The following ANKHD1 variants were observed in gnomAD, a reference collection of about 807,000 sequenced individuals.
The protein encoded by ANKHD1 is ankyrin repeat and KH domain containing 1, also known as ankyrin repeat and KH domain-containing protein 1.
In ANKHD1, 31 loss-of-function variants were observed where a neutral mutation model predicts 230.5. That is an observed-to-expected ratio of 0.13 (90% confidence interval 0.10 to 0.18). The LOEUF is 0.18. Ranked by LOEUF, ANKHD1 falls within the 10% of genes least tolerant of loss-of-function variation. ANKHD1 has a pLI of 1.00. For synonymous variants in ANKHD1, 1,074 were observed against 1,117.6 expected (o/e 0.96, Z 0.78); for missense variants, 2,256 against 3,071.3 (o/e 0.73, Z 6.27).
chr5:140,441,153 AATG>A lies in ANKHD1; in HGVS notation c.913+15_913+17del. 6.5e-7 allele frequency: 1 copy of A among 1,547,478 alleles called. No individual in the cohort carries two copies. The highest frequency in any genetic ancestry group is 8.7e-7 in the Non-Finnish European group (1 of 1,150,636). Reference sequence around the variant, plus strand: ...CCCAGTCTGCAACAGGTATGTAGAAAATGATGTATTAATTGGGAGAAAAAATTG... The same window carrying A: ...CCCAGTCTGCAACAGGTATGTAGAAAATGTATTAATTGGGAGAAAAAATTG... On this transcript the variant is annotated intron_variant, in intron 5 of 33. Transcript: ENST00000360839.
chr5:140,476,716 A>G (rs2127005070), intron 10 of ANKHD1, among the ~76,000 whole-genome samples: 1 of 152,312 alleles, frequency 6.6e-6, no homozygotes, highest in Admixed American at 6.5e-5. Flanking sequence ...AGTAAGAAGA[A>G]AAGTGAGTCC....
intron 1 of ANKHD1, among the ~76,000 whole-genome samples, chr5:140,431,942 T>G (rs1773078333): frequency 6.6e-6 from 1 of 152,218 alleles, no homozygotes. Context: ...TCACTGCTAC[T>G]GGTTCTTTCT....
At chr5:140,533,900 A>G (rs2127097306) in intron 29 of ANKHD1, among the ~76,000 whole-genome samples, 1 of 152,140 alleles carries the variant, frequency 6.6e-6, no homozygotes, top group African/African-American at 2.4e-5. Context: ...TATTCTCACT[A>G]CCTCTAGGTT....
rs184730933 is a variant in ANKHD1 at position 140,527,347 on chromosome 5, T to C, written c.5087+273T>C. 1.1e-4 allele frequency: 35 copies of C among 317,528 alleles called. No homozygotes were observed. The highest frequency in any genetic ancestry group is 1.1e-3 in the Admixed American group (22 of 20,386). 19.7% of individuals were successfully genotyped at this position (317,528 alleles called of 1,614,324 possible). On this transcript the variant is annotated intron_variant, in intron 27 of 33. Transcript: ENST00000360839. The surrounding 1 kb of genome is among the most constrained non-coding windows in gnomAD (Gnocchi z 4.5). Reference sequence around the variant, plus strand: ...TAAAGGCTTTCTCTTGCTTTTTTTCTTTCTCATGTCTCAGTAATTCTAGAA... The same window carrying C: ...TAAAGGCTTTCTCTTGCTTTTTTTCCTTCTCATGTCTCAGTAATTCTAGAA...
At chr5:140,436,376 A>G (rs1773446376) in intron 2 of ANKHD1, 119 bp downstream of exon 2, 3 of 1,211,368 alleles carry the variant, frequency 2.5e-6, no homozygotes, top group Non-Finnish European at 2.1e-6. Flanking sequence ...TCTAAAATTT[A>G]TTTTACTTTT....
chr5:140,448,173 C>A (rs755224348), intron 6 of ANKHD1, among the ~76,000 whole-genome samples: 20 of 152,134 alleles, frequency 1.3e-4, no homozygotes, highest in Non-Finnish European at 2.6e-4. Context: ...GGACTATAGC[C>A]TGGCCAACAG....
At chr5:140,529,861 G>A (rs1484358247) in intron 29 of ANKHD1, 65 bp downstream of exon 29, 23 of 1,549,066 alleles carry the variant, frequency 1.5e-5, no homozygotes, top group Admixed American at 2.0e-5. Context: ...ACCTTAAGTG[G>A]ACAAAAAAAG....
chr5:140,527,000 A>G lies in ANKHD1; in HGVS notation c.5013A>G (p.Pro1671=). The change falls in exon 27 of 34, where the codon CCA becomes CCG. Residue 1671 remains proline, a synonymous_variant. Transcript: ENST00000360839. ...YKTVSLPLSS[P]NIKLNLTSPK... is the part of the protein sequence containing the mutation. ...CAGTGTCATTGCCATTAAGCTCTCC[A>G]AACATAAAGCTGAATCTCACTAGCC... The G allele has an allele frequency of 6.2e-7, 1 of 1,613,880 alleles. No homozygotes were observed. Among genetic ancestry groups the G allele is most frequent in the Admixed American group, 1.7e-5 (1 of 59,984 alleles).
intron 5 of ANKHD1, among the ~76,000 whole-genome samples, chr5:140,442,290 C>T (rs977376671): frequency 6.6e-6 from 1 of 151,806 alleles, no homozygotes; most frequent in Non-Finnish European, 1.5e-5. Flanking sequence ...GTGATCTGCC[C>T]GCCTCAGCCT....
intron 14 of ANKHD1, among the ~76,000 whole-genome samples, chr5:140,490,558 C>T (rs1209849001): frequency 7.9e-5 from 12 of 152,144 alleles, no homozygotes; most frequent in African/African-American, 2.4e-4. Flanking sequence ...GTGACATGCT[C>T]AGTTTTCTAG....
At chr5:140,444,561 T>A (rs1251631652) in intron 5 of ANKHD1, among the ~76,000 whole-genome samples, 1 of 152,174 alleles carries the variant, frequency 6.6e-6, no homozygotes, top group Non-Finnish European at 1.5e-5. Flanking sequence ...TAATGCATTT[T>A]GTTTGATGCC....
Position 140,539,495 on chromosome 5 carries a change from G to A in ANKHD1, c.*77G>A. 1 of 1,498,824 alleles carries A rather than the reference G, an allele frequency of 6.7e-7. No individual in the cohort carries two copies. The highest frequency in any genetic ancestry group is 9.0e-7 in the Non-Finnish European group (1 of 1,105,520). 92.8% of individuals were successfully genotyped at this position (1,498,824 alleles called of 1,614,324 possible). A position where few individuals can be genotyped will look rare whatever the true frequency, so the allele number is the denominator to read the frequency against. The stretch of plus-strand genomic sequence containing the variant: ...AGAACCATGGGGATTTTTTTTTAAT[G>A]TGCCTAAGAAATTTTCTCTGAGGCT... On this transcript the variant is annotated 3_prime_UTR_variant, in exon 34 of 34. Transcript: ENST00000360839.
intron 3 of ANKHD1, 81 bp downstream of exon 3, chr5:140,438,698 C>A: frequency 6.2e-6 from 9 of 1,446,542 alleles, no homozygotes; most frequent in Non-Finnish European, 7.3e-6. Flanking sequence ...TTAAATATAT[C>A]TTTTGGTGGA....
At chr5:140,479,229 C>T (rs933892830) in intron 10 of ANKHD1, among the ~76,000 whole-genome samples, 5 of 151,610 alleles carry the variant, frequency 3.3e-5, no homozygotes, top group African/African-American at 7.3e-5. Flanking sequence ...AATCTCCTGA[C>T]CTCATGATCC....
At position 140,529,090 on chromosome 5, in the gene ANKHD1, A is replaced by C; in HGVS notation, c.6144A>C (p.Ala2048=). The C allele has an allele frequency of 6.2e-7, 1 of 1,614,090 alleles. No homozygotes were observed. Among genetic ancestry groups the C allele is most frequent in the African/African-American group, 1.3e-5 (1 of 75,070 alleles). Residue 2048 remains alanine, a synonymous_variant, in exon 29 of 34, where the codon GCA becomes GCC. Coordinates refer to ENST00000360839, the MANE Select transcript of ANKHD1 (RefSeq NM_017747.3). ...MANLCTPSST[A]NSCSSSASNT... is the part of the protein sequence containing the mutation. ...ACCTATGTACCCCATCTTCAACTGC[A>C]AACAGTTGCAGTAGCTCTGCCAGCA...
intron 1 of ANKHD1, among the ~76,000 whole-genome samples, chr5:140,427,632 TG>T (rs1772610621): frequency 1.5e-5 from 2 of 136,476 alleles, no homozygotes; most frequent in Admixed American, 7.2e-5. Flanking sequence ...ACGGGGCGGC[TG>T]GCCGGGCGGG....
rs1241212841 is a variant in ANKHD1 at position 140,539,655 on chromosome 5, A to G, written c.*237A>G. ...TTAGTGCTTTTGGCTAAACATACAG[A>G]ATACTACTTGTATGCAGAAGAGAAT... On this transcript the variant is annotated 3_prime_UTR_variant, in exon 34 of 34. Coordinates refer to ENST00000360839, the MANE Select transcript of ANKHD1 (RefSeq NM_017747.3). The G allele has an allele frequency of 4.7e-6, 2 of 425,138 alleles. No homozygotes were observed. The highest frequency in any genetic ancestry group is 4.1e-5 in the African/African-American group (2 of 49,346). The allele number at this position is 425,138 out of a possible 1,614,324, so 26.3% of individuals were successfully genotyped here.
rs1336610687 is a variant in ANKHD1 at position 140,482,565 on chromosome 5, C to G, written c.1783-15C>G. 1 of 1,605,722 alleles carries G rather than the reference C, an allele frequency of 6.2e-7. No homozygotes were observed. Among genetic ancestry groups the G allele is most frequent in the Non-Finnish European group, 8.5e-7 (1 of 1,177,282 alleles). ...TGTTGGCATTGATGGATTATTTTTT[C>G]CATTTCTTTAACAGGAACATGAATC... On this transcript the variant is annotated splice_polypyrimidine_tract_variant and intron_variant, in intron 10 of 33. Transcript: ENST00000360839.
intron 11 of ANKHD1, among the ~76,000 whole-genome samples, chr5:140,482,878 A>G (rs1225786884): frequency 6.6e-6 from 1 of 152,188 alleles, no homozygotes; most frequent in African/African-American, 2.4e-5. Context: ...GTTTTCATCA[A>G]CAAAGCAACA....
Sources: allele counts gnomAD v4.1 joint callset (sites outside exome capture counted in the v4.1 genomes callset), GRCh38; gene constraint gnomAD v4.1.1; non-coding constraint Gnocchi (gnomAD v3.1); transcripts MANE v1.5; gene names NCBI Gene and HGNC (gene_info 2026-07-23, HGNC 2026-07-21).